ZNF385D: variants seen among roughly 807,000 people sequenced by gnomAD.
The protein encoded by ZNF385D is zinc finger protein 659.
ZNF385D carries 15 observed loss-of-function variants against 35.8 expected under a neutral mutation model. The observed-to-expected ratio is 0.42, with a 90% CI of 0.28 to 0.64. ZNF385D has a LOEUF of 0.64. Among genes scored for constraint, ZNF385D ranks in the 30% least tolerant of loss-of-function variants. ZNF385D has a pLI of 0.23. For synonymous variants in ZNF385D, 212 were observed against 186.8 expected (o/e 1.13, Z -1.10); for missense variants, 474 against 494.6 (o/e 0.96, Z 0.39).
intron 5 of ZNF385D, chr3:21,436,753 A>G: frequency 1.8e-6 from 1 of 550,122 alleles, no homozygotes; most frequent in Non-Finnish European, 3.2e-6. Flanking sequence ...ACACACACAT[A>G]CACACACACC....
At chr3:22,184,343 A>G (rs1003917283) in intron 2 of ZNF385D, among the ~76,000 whole-genome samples, 1 of 151,838 alleles carries the variant, frequency 6.6e-6, no homozygotes, top group African/African-American at 2.4e-5. Context: ...ATATCTTAAA[A>G]ATTTTTGTTT....
chr3:21,536,240 C>T (rs1002218204), intron 3 of ZNF385D, among the ~76,000 whole-genome samples: 4 of 152,018 alleles, frequency 2.6e-5, no homozygotes, highest in African/African-American at 9.7e-5. Context: ...TAGCAATATG[C>T]TTAGTGCTAA....
At chr3:22,348,383 C>T (rs1163846956) in intron 2 of ZNF385D, among the ~76,000 whole-genome samples, 1 of 150,278 alleles carries the variant, frequency 6.7e-6, no homozygotes, top group Non-Finnish European at 1.5e-5. Context: ...TGCCGTGGCT[C>T]ATGCCTGTAA....
Position 22,072,972 on chromosome 3 carries a change from T to A in ZNF385D, c.325+95845A>T, listed in dbSNP as rs1700299195. ...GAGAAGGGAGGCCACCTTGACTGGA[T>A]TGCCTCTCAGATGGTTTCCAGGCAC... On this transcript the variant is annotated intron_variant, in intron 3 of 5. Transcript: ENST00000494108. Among the ~76,000 whole-genome samples the A allele has an allele frequency of 2.0e-5, 3 of 152,064 alleles. No homozygotes were observed. In the South Asian group the frequency reaches 6.2e-4, roughly 32 times the overall value.
intron 2 of ZNF385D, among the ~76,000 whole-genome samples, chr3:22,289,331 T>C (rs1702178307): frequency 6.6e-6 from 1 of 152,176 alleles, no homozygotes. Context: ...AGCTGTTCCA[T>C]ACACAATCTA....
intron 3 of ZNF385D, among the ~76,000 whole-genome samples, chr3:21,543,469 G>T (rs1329074333): frequency 6.6e-6 from 1 of 152,056 alleles, no homozygotes; most frequent in Non-Finnish European, 1.5e-5. Flanking sequence ...GTTCCCAGCC[G>T]CTCCCCACTC....
At chr3:22,345,566 T>A (rs554930576) in intron 2 of ZNF385D, among the ~76,000 whole-genome samples, 2 of 152,308 alleles carry the variant, frequency 1.3e-5, no homozygotes, top group South Asian at 2.1e-4. Context: ...AGTTTTCACT[T>A]TGGGGAACGT....
At chr3:22,268,116 T>C (rs539889092) in intron 2 of ZNF385D, among the ~76,000 whole-genome samples, 1 of 152,036 alleles carries the variant, frequency 6.6e-6, no homozygotes, top group South Asian at 2.1e-4. Context: ...AAATTGATTA[T>C]TTAGTTTTGA....
At chr3:21,857,125 A>T (rs1405560289) in intron 3 of ZNF385D, among the ~76,000 whole-genome samples, 1 of 151,416 alleles carries the variant, frequency 6.6e-6, no homozygotes, top group East Asian at 2.0e-4. Context: ...GCCCTCACCA[A>T]CTCTCCCGAT....
chr3:22,162,684 C>T (rs1334374828), intron 3 of ZNF385D, among the ~76,000 whole-genome samples: 1 of 152,196 alleles, frequency 6.6e-6, no homozygotes, highest in South Asian at 2.1e-4. Context: ...AAGGTATAAA[C>T]TTCAACCATT....
chr3:21,728,279 TATAATA>T (rs111369677), intron 1 of ZNF385D, among the ~76,000 whole-genome samples: 21,808 of 144,742 alleles, frequency 0.15, 1,634 homozygotes, highest in Middle Eastern at 0.25. Flanking sequence ...GAACTTAAAG[TATAATA>T]ATAATAATAA....
At chr3:21,710,678 A>G (rs957591) in intron 1 of ZNF385D, among the ~76,000 whole-genome samples, 71,107 of 152,032 alleles carry the variant, frequency 0.47, 17,482 homozygotes, top group African/African-American at 0.62. Flanking sequence ...AAAAGGATCT[A>G]TGATAATTCT....
intron 1 of ZNF385D, among the ~76,000 whole-genome samples, chr3:21,749,060 C>G (rs1053852964): frequency 3.3e-5 from 5 of 152,176 alleles, no homozygotes; most frequent in Admixed American, 1.3e-4. Context: ...AAAAACATTT[C>G]TTATACCAAA....
chr3:21,555,108 C>T (rs185646416), intron 3 of ZNF385D, among the ~76,000 whole-genome samples: 36 of 152,182 alleles, frequency 2.4e-4, no homozygotes, highest in Admixed American at 5.2e-4. Context: ...CAGCCTAACT[C>T]TTCTTTTGAC....
At chr3:21,593,834 G>C (rs1174963354) in intron 2 of ZNF385D, among the ~76,000 whole-genome samples, 2 of 128,008 alleles carry the variant, frequency 1.6e-5, no homozygotes, top group African/African-American at 6.6e-5. Flanking sequence ...AGAAAAAAGA[G>C]GTTCTTGGGG....
At chr3:21,696,012 C>G (rs1431242134) in intron 1 of ZNF385D, among the ~76,000 whole-genome samples, 2 of 152,068 alleles carry the variant, frequency 1.3e-5, no homozygotes, top group African/African-American at 4.8e-5. Flanking sequence ...TATTATAGCC[C>G]TGTTTTACAA....
chr3:22,301,961 G>T (rs754780317), intron 2 of ZNF385D, among the ~76,000 whole-genome samples: 1 of 151,924 alleles, frequency 6.6e-6, no homozygotes, highest in Non-Finnish European at 1.5e-5. Context: ...TTGTTTCACT[G>T]TGTGTATATC....
chr3:21,721,829 G>T (rs866007672), intron 1 of ZNF385D, among the ~76,000 whole-genome samples: 1 of 152,182 alleles, frequency 6.6e-6, no homozygotes, highest in South Asian at 2.1e-4. Flanking sequence ...GCCAGGCGCG[G>T]TGGCTCACGC....
At chr3:22,130,573 C>T (rs1252797722) in intron 3 of ZNF385D, among the ~76,000 whole-genome samples, 1 of 152,148 alleles carries the variant, frequency 6.6e-6, no homozygotes, top group Admixed American at 6.6e-5. Flanking sequence ...TGTGACAGGG[C>T]AGCACTGAGT....
Sources: gnomAD v4.1 joint callset for allele counts (sites outside exome capture counted in the v4.1 genomes callset) on GRCh38, gnomAD v4.1.1 for gene constraint, MANE v1.5 for transcripts, NCBI Gene and HGNC (gene_info 2026-07-23, HGNC 2026-07-21) for gene names.